GRHL3: variants seen among roughly 807,000 people sequenced by gnomAD.
The protein encoded by GRHL3 is grainyhead-like protein 3 homolog.
Under a neutral mutation model 70.3 loss-of-function variants are expected in GRHL3, and 20 were observed. That is an observed-to-expected ratio of 0.28 (90% CI 0.20 to 0.41). The LOEUF is 0.41. GRHL3 is among the 10% of genes least tolerant of loss of function. The pLI, the probability that GRHL3 is intolerant of heterozygous loss-of-function variation, is 1.00. For missense variants in GRHL3, 637 were observed against 762.3 expected (o/e 0.84, Z 1.94); for synonymous variants, 299 against 299.9 (o/e 1.00, Z 0.03).
chr1:24,344,824 G>T (rs1553173603), intron 11 of GRHL3, 73 bp from the exon 12 acceptor site: 2 of 1,561,496 alleles, frequency 1.3e-6, no homozygotes, highest in South Asian at 2.2e-5. Context: ...TCCTCCCAGA[G>T]AGCCTCCAGC....
chr1:24,337,933 C>A, intron 6 of GRHL3, 59 bp from the exon 7 acceptor site: 1 of 1,536,598 alleles, frequency 6.5e-7, no homozygotes, highest in Non-Finnish European at 8.9e-7. Context: ...AAAGGGCAGG[C>A]CATTGGAACC....
intron 15 of GRHL3, among the ~76,000 whole-genome samples, chr1:24,351,378 G>A (rs543814645): frequency 6.6e-6 from 1 of 150,850 alleles, no homozygotes; most frequent in African/African-American, 2.5e-5. Flanking sequence ...GTGGGGGAAG[G>A]TGTCCATCCC....
intron 8 of GRHL3, among the ~76,000 whole-genome samples, chr1:24,340,642 C>A (rs562134097): frequency 1.3e-5 from 2 of 152,324 alleles, no homozygotes; most frequent in East Asian, 3.9e-4. Flanking sequence ...GGGTCAGGTC[C>A]AGCTCATCTC....
At chr1:24,352,133 C>G (rs1640537488) in intron 15 of GRHL3, among the ~76,000 whole-genome samples, 1 of 144,342 alleles carries the variant, frequency 6.9e-6, no homozygotes, top group Non-Finnish European at 1.6e-5. Flanking sequence ...GCCGTGAAAA[C>G]ATCAGCCCCA....
chr1:24,360,371 C>T (rs1017890036), intron 15 of GRHL3, among the ~76,000 whole-genome samples: 3 of 152,168 alleles, frequency 2.0e-5, no homozygotes, highest in Admixed American at 2.0e-4. Context: ...ATTGCCTGAA[C>T]CTGGGAGGCG....
At chr1:24,355,652 CAT>C (rs1228708498), downstream of GRHL3, among the ~76,000 whole-genome samples, 2 of 152,218 alleles carry the variant, frequency 1.3e-5, no homozygotes, top group African/African-American at 4.8e-5. Context: ...CTGGGAGCCA[CAT>C]GACCTGAGTC....
At position 24,343,141 on chromosome 1, in the gene GRHL3, C is replaced by A. The variant is rs186460627; in HGVS notation, c.1419+116C>A. On this transcript the variant is annotated intron_variant, in intron 11 of 15. Coordinates refer to ENST00000361548, the MANE Select transcript of GRHL3 (RefSeq NM_198173.3). ...GCCTGCCCCTCAGCCAGTTTCAAGA[C>A]CTTTATTGAATCATAGGGGTTTAAA... 4.4e-5 allele frequency: 52 copies of A among 1,188,620 alleles called. No homozygotes were observed. The Admixed American group carries it at 7.9e-4, about 18-fold the overall frequency. The allele number at this position is 1,188,620 out of a possible 1,614,324, so 73.6% of individuals were successfully genotyped here. A position where few individuals can be genotyped will look rare whatever the true frequency, so the allele number is the denominator to read the frequency against.
chr1:24,338,544 C>G (rs1639915890), intron 7 of GRHL3, among the ~76,000 whole-genome samples: 1 of 152,212 alleles, frequency 6.6e-6, no homozygotes, highest in African/African-American at 2.4e-5. Context: ...CACAGCCCGC[C>G]CTCAAGTCTT....
At chr1:24,346,851 A>T (rs1425648221) in intron 13 of GRHL3, among the ~76,000 whole-genome samples, 1 of 152,008 alleles carries the variant, frequency 6.6e-6, no homozygotes, top group African/African-American at 2.4e-5. Flanking sequence ...CTGTCTCCTG[A>T]CCTCGTGTGG....
rs754817104 is a variant in GRHL3 at position 24,347,511 on chromosome 1, G to T, written c.1587G>T (p.Ala529=). 2 of 1,614,182 alleles carry T rather than the reference G, an allele frequency of 1.2e-6. No individual in the cohort carries two copies. Among genetic ancestry groups the T allele is most frequent in the Middle Eastern group, 1.6e-4 (1 of 6,062 alleles). ...VRRETEEVFD[A]LMLKTPDLKG... is the part of the protein sequence containing the mutation. ...GGGAGACTGAGGAGGTGTTTGACGC[G>T]CTCATGTTGAAGACCCCAGACCTGA... The change falls in exon 14 of 16, where the codon GCG becomes GCT. Residue 529 remains alanine, a synonymous_variant. Coordinates refer to ENST00000361548, the MANE Select transcript of GRHL3 (RefSeq NM_198173.3).
At chr1:24,357,565 T>C (rs1640805474), downstream of GRHL3, 1 of 155,660 alleles carries the variant, frequency 6.4e-6, no homozygotes, top group Non-Finnish European at 1.4e-5. Context: ...TGAGAACCAC[T>C]TCTCTGGAGA....
At chr1:24,364,286 A>G (rs1285127281) in exon 16 of GRHL3, 1 of 1,549,430 alleles carries the variant, frequency 6.5e-7, no homozygotes, top group Non-Finnish European at 8.7e-7. Context: ...GGTTTTGGAG[A>G]TGGATTTTGG....
Position 24,337,711 on chromosome 1 carries a change from C to T in GRHL3, c.762C>T (p.Asn254=). ...GCGAGTCACCCATGGCCTACCTCAA[C>T]AAAGGCCAGTTCTACCCCGTCACCC... is the stretch of plus-strand genomic sequence containing the variant. ...KSGESPMAYL[N]KGQFYPVTLR... The change falls in exon 6 of 16, where the codon AAC becomes AAT. Residue 254 remains asparagine (N), a synonymous_variant. Coordinates refer to ENST00000361548, the MANE Select transcript of GRHL3 (RefSeq NM_198173.3). The T allele has an allele frequency of 6.2e-7, 1 of 1,614,238 alleles. No individual in the cohort carries two copies. The highest frequency in any genetic ancestry group is 8.5e-7 in the Non-Finnish European group (1 of 1,180,036).
Position 24,342,232 on chromosome 1 carries a change from G to A in GRHL3, c.1165G>A (p.Val389Ile), listed in dbSNP as rs147968080. 6.2e-7 allele frequency: 1 copy of A among 1,612,930 alleles called. No individual in the cohort carries two copies. The highest frequency in any genetic ancestry group is 8.5e-7 in the Non-Finnish European group (1 of 1,179,382). Residue 389 changes from valine (V) to isoleucine (I), a missense_variant, in exon 9 of 16, where the codon GTA becomes ATA. Val to Ile is a conservative substitution (Grantham distance 29). Around this residue, in one of 2 missense-constraint regions of GRHL3, gnomAD observed 387 missense variants for 513.8 expected, o/e 0.75. Coordinates refer to ENST00000361548, the MANE Select transcript of GRHL3 (RefSeq NM_198173.3). The surrounding 1 kb of genome is among the most constrained non-coding windows in gnomAD (Gnocchi z 4.8). ...CTGTGGCTTGGGCACTGAGCGCCTG[G>A]TACACCGTGCTGTCTGCCAGATCAA... ...YDCGLGTERL[V>I]HRAVCQIKIF... is the part of the protein sequence containing the mutation.
intron 15 of GRHL3, 131 bp from the exon 16 acceptor site, chr1:24,354,243 G>T: frequency 1.6e-6 from 1 of 617,992 alleles, no homozygotes; most frequent in Non-Finnish European, 2.9e-6. Context: ...AGGATCAGAG[G>T]GAAGGTTTGT....
chr1:24,360,840 A>G, intron 15 of GRHL3: 1 of 1,595,934 alleles, frequency 6.3e-7, no homozygotes, highest in Non-Finnish European at 8.5e-7. Flanking sequence ...CATTTAAAAC[A>G]ATCCTCTGAC....
chr1:24,320,759 G>A (rs1020761297), intron 1 of GRHL3, among the ~76,000 whole-genome samples: 1 of 152,142 alleles, frequency 6.6e-6, no homozygotes, highest in Admixed American at 6.5e-5. Context: ...TGAATTTCCC[G>A]GGGTTGACAA....
At chr1:24,363,708 A>AAGAGAC in intron 15 of GRHL3, among the ~76,000 whole-genome samples, 1 of 152,328 alleles carries the variant, frequency 6.6e-6, no homozygotes, top group African/African-American at 2.4e-5. Flanking sequence ...AGCAGAGAGA[A>AAGAGAC]AGAGACAGAG....
rs1054144323 is a variant in GRHL3, at chr1:24,321,723, C to G, written c.17+2155C>G. ...GACCAGAGCTCCATCCGCGCCCGCC[C>G]GGTGGCCAGGCCCCGGGTGTAAGGC... On this transcript the variant is annotated intron_variant, in intron 1 of 15. Transcript: ENST00000361548. The surrounding 1 kb of genome is among the most constrained non-coding windows in gnomAD (Gnocchi z 4.0). 6.6e-6 allele frequency: 1 copy of G among 152,280 alleles called. No individual in the cohort carries two copies. The highest frequency in any genetic ancestry group is 2.4e-5 in the African/African-American group (1 of 41,464). The allele number at this position is 152,280 out of a possible 1,614,324, so 9.4% of individuals were successfully genotyped here.
Sources: allele counts gnomAD v4.1 joint callset (sites outside exome capture counted in the v4.1 genomes callset), GRCh38; gene constraint gnomAD v4.1.1; regional missense constraint gnomAD v4.1.1; non-coding constraint Gnocchi (gnomAD v3.1); transcripts MANE v1.5; gene names NCBI Gene and HGNC (gene_info 2026-07-23, HGNC 2026-07-21).